The following BAHCC1 variants were observed in gnomAD, a reference collection of about 807,000 sequenced individuals.
BAHCC1 encodes the protein BAH domain and coiled-coil containing 1, also known as BAH and coiled-coil domain-containing protein 1.
A neutral mutation model predicts 88.2 loss-of-function variants in BAHCC1; 43 were observed. The observed-to-expected ratio is 0.49, with a 90% CI of 0.38 to 0.63. The LOEUF (loss-of-function observed/expected upper bound fraction) is 0.63. Ranked by LOEUF, BAHCC1 falls within the 20% of genes least tolerant of loss-of-function variation. The pLI is 0.00. For missense variants in BAHCC1, 3,023 were observed against 1,654.8 expected (o/e 1.83, Z -14.34); for synonymous variants, 1,510 against 745.5 (o/e 2.03, Z -16.71).
chr17:81,437,721 G>T (rs2064355476), intron 3 of BAHCC1, among the ~76,000 whole-genome samples: 1 of 152,118 alleles, frequency 6.6e-6, no homozygotes, highest in African/African-American at 2.4e-5. Context: ...GGGCCTGTCT[G>T]GCATGACTCG....
intron 2 of BAHCC1, chr17:81,415,612 GT>G: frequency 2.0e-6 from 1 of 501,944 alleles, no homozygotes; most frequent in Non-Finnish European, 4.0e-6. Context: ...AGCCAACCTC[GT>G]TTTGGGAGTC....
At chr17:81,454,418 G>A (rs1471908041) in intron 14 of BAHCC1, among the ~76,000 whole-genome samples, 2 of 152,208 alleles carry the variant, frequency 1.3e-5, no homozygotes, top group Non-Finnish European at 2.9e-5. Flanking sequence ...GGAGGGGCCA[G>A]GGATGCAGAA....
chr17:81,415,116 C>T (rs562528220), intron 2 of BAHCC1, among the ~76,000 whole-genome samples: 8 of 152,334 alleles, frequency 5.3e-5, no homozygotes, highest in Admixed American at 2.0e-4. Context: ...GGGCTGGGGA[C>T]GGGCCCGGGC....
Position 81,466,225 on chromosome 17 carries a change from AAC to A in BAHCC1, c.*2414_*2415del, listed in dbSNP as rs552972536. On this transcript the variant is annotated 3_prime_UTR_variant, in exon 28 of 28. Coordinates refer to ENST00000675386, the MANE Select transcript of BAHCC1 (RefSeq NM_001377448.1). ...ACACTAAAAACAAAATGGACAAAAA[AAC>A]ACACAAAGGTTTTATGAACAGCAGA... is the stretch of plus-strand genomic sequence containing the variant. The A allele has an allele frequency of 8.1e-4, 124 of 152,652 alleles. No homozygotes were observed. Among genetic ancestry groups the A allele is most frequent in the Middle Eastern group, 3.4e-3 (1 of 294 alleles). 9.5% of individuals were successfully genotyped at this position (152,652 alleles called of 1,614,324 possible).
chr17:81,457,272 C>T (rs2064766784), intron 16 of BAHCC1, 138 bp from the exon 17 acceptor site: 2 of 619,770 alleles, frequency 3.2e-6, no homozygotes, highest in East Asian at 2.8e-5. Context: ...AGCAGCCCCA[C>T]AGAGCGGCCC....
intron 11 of BAHCC1, 141 bp downstream of exon 11, chr17:81,447,989 G>A (rs1001060617): frequency 4.5e-5 from 28 of 625,596 alleles, no homozygotes; most frequent in Non-Finnish European, 6.6e-5. Flanking sequence ...GAGAGTGTCC[G>A]CCTCCCCTTG....
chr17:81,460,134 G>T, intron 23 of BAHCC1, 143 bp from the exon 24 acceptor site: 1 of 622,254 alleles, frequency 1.6e-6, no homozygotes. Context: ...CTGGGCTGCA[G>T]GGCGGCTCCA....
chr17:81,429,228 C>T (rs1314777715), intron 3 of BAHCC1, among the ~76,000 whole-genome samples: 1 of 152,206 alleles, frequency 6.6e-6, no homozygotes, highest in East Asian at 1.9e-4. Flanking sequence ...CGCCTGGGCC[C>T]CAGAATGCAA....
rs782348812 is a variant in BAHCC1 at position 81,458,878 on chromosome 17, C to G, written c.5514C>G (p.Asp1838Glu). 3.9e-6 allele frequency: 3 copies of G among 774,162 alleles called. No homozygotes were observed. Among genetic ancestry groups the G allele is most frequent in the Non-Finnish European group, 2.4e-6 (1 of 414,170 alleles). The allele number at this position is 774,162 out of a possible 1,614,324, so 48.0% of individuals were successfully genotyped here. Residue 1838 changes from aspartate to glutamate, a missense_variant, in exon 20 of 28, where the codon GAC becomes GAG. Coordinates refer to ENST00000675386, the MANE Select transcript of BAHCC1 (RefSeq NM_001377448.1). ...CCGTGGAGGAAGACTTTGAGTTCGA[C>G]GACAACAGCAGCTTCTCGGAAGAGG... ...SFAVEEDFEFDDNSSFSEEEE... is the reference protein window; with the variant it reads ...SFAVEEDFEFEDNSSFSEEEE...
In BAHCC1 at chr17:81,399,090, C is replaced by G. The variant is rs536682020; in HGVS notation, c.-206-444C>G. 10 of 227,260 alleles carry G rather than the reference C, an allele frequency of 4.4e-5. No individual in the cohort carries two copies. Among genetic ancestry groups the G allele is most frequent in the South Asian group, 3.0e-4 (9 of 29,624 alleles). 14.1% of individuals were successfully genotyped at this position (227,260 alleles called of 1,614,324 possible). A position where few individuals can be genotyped will look rare whatever the true frequency, so the allele number is the denominator to read the frequency against. On this transcript the variant is annotated intron_variant, in intron 1 of 27. Coordinates refer to ENST00000675386, the MANE Select transcript of BAHCC1 (RefSeq NM_001377448.1). This position sits in a 1 kb window ranked among gnomAD's most constrained non-coding sequence, Gnocchi z 4.5. ...ACCCCAGGCCTTTTCCTCCGAGACA[C>G]CTTTGGGCAGCGGGGGAGGGGAGAG...
In BAHCC1 at chr17:81,409,367, C is replaced by T. The variant is rs372839749; in HGVS notation, c.178+9450C>T. ...AAGTGGGGGTGGGGCTCCTGTCCCC[C>T]GAAGGCTGGAGCTGCGCCGGCTGAG... On this transcript the variant is annotated intron_variant, in intron 2 of 27. Coordinates refer to ENST00000675386, the MANE Select transcript of BAHCC1 (RefSeq NM_001377448.1). Among the ~76,000 whole-genome samples, 303 of 152,338 alleles carry T rather than the reference C, an allele frequency of 2.0e-3. 2 individuals are homozygous for T. Among genetic ancestry groups the T allele is most frequent in the Non-Finnish European group, 2.7e-3 (184 of 68,028 alleles).
In BAHCC1 at chr17:81,443,348, G is replaced by T. The variant is rs782804342; in HGVS notation, c.1999G>T (p.Ala667Ser). The change falls in exon 5 of 28, where the codon GCA becomes TCA. Residue 667 changes from alanine (A) to serine (S), a missense_variant. Coordinates refer to ENST00000675386, the MANE Select transcript of BAHCC1 (RefSeq NM_001377448.1). Reference protein sequence around the residue: ...GLKASCIQQEAKFLSSKGPGQ... With the variant: ...GLKASCIQQESKFLSSKGPGQ... ...CAAGGCCAGCTGCATCCAGCAGGAA[G>T]CAAAGTTCCTGTCCTCTAAGGGCCC... 2.6e-6 allele frequency: 2 copies of T among 778,836 alleles called. No individual in the cohort carries two copies. Among genetic ancestry groups the T allele is most frequent in the South Asian group, 2.7e-5 (2 of 74,566 alleles). The allele number at this position is 778,836 out of a possible 1,614,324, so 48.2% of individuals were successfully genotyped here.
At chr17:81,397,903 A>C (rs1006617231) in intron 1 of BAHCC1, among the ~76,000 whole-genome samples, 3 of 152,246 alleles carry the variant, frequency 2.0e-5, no homozygotes, top group Non-Finnish European at 4.4e-5. Context: ...AAAAAAGCTT[A>C]TCAGCTGAGC....
Position 81,447,474 on chromosome 17 carries a change from A to G in BAHCC1, c.3602A>G (p.Gln1201Arg). Residue 1201 changes from glutamine (Q) to arginine (R), a missense_variant, in exon 11 of 28, where the codon CAA becomes CGA. By Grantham distance (43) the Gln-to-Arg change is conservative (BLOSUM62 1). Coordinates refer to ENST00000675386, the MANE Select transcript of BAHCC1 (RefSeq NM_001377448.1). ...EQGPSSGASSQVLEQRAGSPG... is the reference protein window; with the variant it reads ...EQGPSSGASSRVLEQRAGSPG... Reference sequence around the variant, plus strand: ...GGGCCCTCGTCAGGGGCCTCCTCCCAAGTCCTGGAGCAGCGAGCAGGGAGT... The same window carrying G: ...GGGCCCTCGTCAGGGGCCTCCTCCCGAGTCCTGGAGCAGCGAGCAGGGAGT... 1.3e-6 allele frequency: 1 copy of G among 742,430 alleles called. No individual in the cohort carries two copies. Among genetic ancestry groups the G allele is most frequent in the South Asian group, 1.4e-5 (1 of 69,674 alleles). 46.0% of individuals were successfully genotyped at this position (742,430 alleles called of 1,614,324 possible).
intron 3 of BAHCC1, among the ~76,000 whole-genome samples, chr17:81,431,189 G>A (rs1431013168): frequency 1.3e-5 from 2 of 152,108 alleles, no homozygotes; most frequent in Non-Finnish European, 2.9e-5. Flanking sequence ...CCCCTCCGGA[G>A]GTGTCCTATG....
chr17:81,412,630 A>T, intron 2 of BAHCC1, among the ~76,000 whole-genome samples: 1 of 149,732 alleles, frequency 6.7e-6, no homozygotes, highest in African/African-American at 2.5e-5. Flanking sequence ...GGAGTCACCG[A>T]CTCTCCCTCC....
chr17:81,424,779 G>T (rs1439622724), intron 2 of BAHCC1, among the ~76,000 whole-genome samples: 1 of 151,820 alleles, frequency 6.6e-6, no homozygotes, highest in Non-Finnish European at 1.5e-5. Context: ...GGTTGGTGGT[G>T]GTGGGTGATG....
rs1293278105 is a variant in BAHCC1, at chr17:81,411,854, CCCCTCCACA to C, written c.178+11942_178+11950del. 6.6e-6 allele frequency among the ~76,000 whole-genome samples: 1 copy of C among 152,250 alleles called. No homozygotes were observed. Among genetic ancestry groups the C allele is most frequent in the Non-Finnish European group, 1.5e-5 (1 of 68,046 alleles). On this transcript the variant is annotated intron_variant, in intron 2 of 27. Coordinates refer to ENST00000675386, the MANE Select transcript of BAHCC1 (RefSeq NM_001377448.1). The surrounding 1 kb of genome is among the most constrained non-coding windows in gnomAD (Gnocchi z 6.2). ...AAGCCCCTCACCGCCCCGGCCCCTG[CCCCTCCACA>C]CCCTGGTCACTCTTCCCTCCAGCTC... is the stretch of plus-strand genomic sequence containing the variant.
chr17:81,422,736 A>C (rs545470324), intron 2 of BAHCC1: 1 of 432,916 alleles, frequency 2.3e-6, no homozygotes, highest in African/African-American at 2.1e-5. Flanking sequence ...TTCTCAGGCC[A>C]GGATCCTGGA....
Sources: allele counts gnomAD v4.1 joint callset (sites outside exome capture counted in the v4.1 genomes callset), GRCh38; gene constraint gnomAD v4.1.1; non-coding constraint Gnocchi (gnomAD v3.1); transcripts MANE v1.5; gene names NCBI Gene and HGNC (gene_info 2026-07-23, HGNC 2026-07-21).